P2RY8: variants seen among roughly 807,000 people sequenced by gnomAD.
The protein encoded by P2RY8 is S-geranylgeranyl-glutathione receptor P2RY8.
P2RY8 carries 6 observed loss-of-function variants against 10.0 expected under a neutral mutation model. The ratio of observed to expected loss-of-function variants is 0.60; its 90% CI spans 0.33 to 1.19. The LOEUF is 1.19. Among genes scored for constraint, P2RY8 ranks in the 50% most tolerant of loss-of-function variants. The pLI, the probability that P2RY8 is intolerant of heterozygous loss-of-function variation, is 0.04. For synonymous variants in P2RY8, 276 were observed against 252.5 expected, an observed-to-expected ratio of 1.09 and a Z score of -0.88; for missense variants, 456 against 542.0, an observed-to-expected ratio of 0.84 and a Z score of 1.58.
chrX:1,534,248 A>T (rs778728822), intron 1 of P2RY8, among the ~76,000 whole-genome samples: 1 of 142,694 alleles, frequency 7.0e-6, no homozygotes, highest in Non-Finnish European at 1.5e-5. Flanking sequence ...TTTATATATA[A>T]TTATTTATAT....
At chrX:1,483,084 AAATG>A (rs1430206287) in intron 1 of P2RY8, among the ~76,000 whole-genome samples, 1 of 152,168 alleles carries the variant, frequency 6.6e-6, no homozygotes, top group South Asian at 2.1e-4. Flanking sequence ...CCTAAAACTT[AAATG>A]AAAGATAAAA....
chrX:1,486,762 C>CCTGCTTCAGA (rs2091989634), intron 1 of P2RY8, among the ~76,000 whole-genome samples: 1 of 152,230 alleles, frequency 6.6e-6, no homozygotes, highest in Non-Finnish European at 1.5e-5. Context: ...GCAGGAAGGA[C>CCTGCTTCAGA]ATTCCTCAGG....
At chrX:1,478,888 C>T (rs1389284625) in intron 1 of P2RY8, among the ~76,000 whole-genome samples, 4 of 152,020 alleles carry the variant, frequency 2.6e-5, no homozygotes, top group South Asian at 2.1e-4. Context: ...GCCTCCTGCC[C>T]CCTGCTGTCT....
intron 1 of P2RY8, among the ~76,000 whole-genome samples, chrX:1,468,125 A>G (rs1335508935): frequency 4.2e-4 from 64 of 151,322 alleles, no homozygotes; most frequent in Non-Finnish European, 6.9e-4. Flanking sequence ...TTCTGTAGAC[A>G]TGGGGTTTGG....
chrX:1,535,141 A>G (rs544171340), intron 1 of P2RY8, among the ~76,000 whole-genome samples: 1 of 149,164 alleles, frequency 6.7e-6, no homozygotes, highest in Admixed American at 6.7e-5. Context: ...CCTGTCTGGC[A>G]GTGCCTAAAT....
At position 1,464,587 on chromosome X, in the gene P2RY8, C is replaced by A; in HGVS notation, c.*892G>T. The A allele has an allele frequency of 4.3e-6, 1 of 233,402 alleles. No individual in the cohort carries two copies. Among genetic ancestry groups the A allele is most frequent in the Non-Finnish European group, 8.5e-6 (1 of 118,190 alleles). 14.5% of individuals were successfully genotyped at this position (233,402 alleles called of 1,614,324 possible). A position where few individuals can be genotyped will look rare whatever the true frequency, so the allele number is the denominator to read the frequency against. On this transcript the variant is annotated 3_prime_UTR_variant, in exon 2 of 2. Transcript: ENST00000381297. ...CACCCTTGTGTTGGGATGGGCTGGA[C>A]CCCATCTCACGGAGCCTCCTTTCCG...
Position 1,470,720 on chromosome X carries a change from C to T in P2RY8, c.-24-4138G>A, listed in dbSNP as rs1603454385. On this transcript the variant is annotated intron_variant, in intron 1 of 1. Transcript: ENST00000381297. ...GCCAGGGGTCTTCAAAGTTCATCCA[C>T]GCTGCAGCCTGGGTCAGAGCTTGAG... Among the ~76,000 whole-genome samples, 4 of 152,064 alleles carry T rather than the reference C, an allele frequency of 2.6e-5. No homozygotes were observed. In the South Asian group the frequency reaches 8.3e-4, roughly 31 times the overall value.
At chrX:1,512,364 T>A (rs2092304489) in intron 1 of P2RY8, among the ~76,000 whole-genome samples, 1 of 151,946 alleles carries the variant, frequency 6.6e-6, no homozygotes, top group Non-Finnish European at 1.5e-5. Context: ...CTGGCCAACA[T>A]GGTGAAACCC....
Position 1,466,694 on chromosome X carries a change from A to G in P2RY8, c.-24-112T>C, listed in dbSNP as rs2091683842. ...GGGACCAAGGCGGGGGAGATGCTTTAGCAGGGCCTGCTGTCTCCTCCCTCC... is the reference window on the plus strand; with the variant it reads ...GGGACCAAGGCGGGGGAGATGCTTTGGCAGGGCCTGCTGTCTCCTCCCTCC... On this transcript the variant is annotated intron_variant, in intron 1 of 1. Transcript: ENST00000381297. 24 of 1,042,616 alleles carry G rather than the reference A, an allele frequency of 2.3e-5. No individual in the cohort carries two copies. In the South Asian group the frequency reaches 3.8e-4, roughly 17 times the overall value. 64.6% of individuals were successfully genotyped at this position (1,042,616 alleles called of 1,614,324 possible).
intron 1 of P2RY8, among the ~76,000 whole-genome samples, chrX:1,493,311 G>A (rs2092073415): frequency 1.5e-5 from 1 of 68,208 alleles, no homozygotes; most frequent in East Asian, 4.5e-4. Context: ...GAGAAGAGAG[G>A]ACAGGAGAGG....
At chrX:1,510,911 G>T (rs1205455562) in intron 1 of P2RY8, among the ~76,000 whole-genome samples, 2 of 149,940 alleles carry the variant, frequency 1.3e-5, no homozygotes, top group African/African-American at 4.9e-5. Context: ...AGGCACAGTG[G>T]CTCCCGCCTG....
intron 1 of P2RY8, among the ~76,000 whole-genome samples, chrX:1,518,399 G>GGCC (rs2092366611): frequency 6.9e-6 from 1 of 144,838 alleles, no homozygotes. Flanking sequence ...GCACTCCAGC[G>GGCC]TGGGTGACAG....
intron 1 of P2RY8, among the ~76,000 whole-genome samples, chrX:1,498,263 G>T (rs1239975392): frequency 1.3e-5 from 2 of 151,504 alleles, no homozygotes; most frequent in South Asian, 4.2e-4. Context: ...AAAATTAGCC[G>T]GGTGTGGTGG....
At chrX:1,499,631 A>AG (rs2092154894) in intron 1 of P2RY8, among the ~76,000 whole-genome samples, 1 of 152,136 alleles carries the variant, frequency 6.6e-6, no homozygotes, top group Admixed American at 6.6e-5. Flanking sequence ...ATGTGTCATT[A>AG]GGTGAAACGT....
chrX:1,510,340 G>A (rs1325779539), intron 1 of P2RY8, among the ~76,000 whole-genome samples: 1 of 152,114 alleles, frequency 6.6e-6, no homozygotes, highest in African/African-American at 2.4e-5. Flanking sequence ...ACTAATACAA[G>A]CTTTTTGTTT....
intron 1 of P2RY8, among the ~76,000 whole-genome samples, chrX:1,499,163 C>CT (rs1163119480): frequency 0.027 from 1,321 of 48,414 alleles, 22 homozygotes; most frequent in African/African-American, 0.058. Context: ...TTTTTCTTTT[C>CT]TTTTTTTTTT....
chrX:1,493,399 A>AAGAG (rs1198025989), intron 1 of P2RY8, among the ~76,000 whole-genome samples: 229 of 13,486 alleles, frequency 0.017, 3 homozygotes, highest in Middle Eastern at 0.11. Context: ...GAGGGAGGGA[A>AAGAG]GGAGGAAGGA....
At chrX:1,507,306 C>T (rs530529535) in intron 1 of P2RY8, among the ~76,000 whole-genome samples, 8 of 152,164 alleles carry the variant, frequency 5.3e-5, no homozygotes, top group African/African-American at 9.6e-5. Flanking sequence ...TAGATTTCAC[C>T]GGACGAGATG....
intron 1 of P2RY8, among the ~76,000 whole-genome samples, chrX:1,477,599 T>G (rs1415677393): frequency 6.6e-6 from 1 of 152,206 alleles, no homozygotes; most frequent in African/African-American, 2.4e-5. Flanking sequence ...TTCAATAGTT[T>G]GCAAATGTGA....
Sources: gnomAD v4.1 joint callset for allele counts (sites outside exome capture counted in the v4.1 genomes callset) on GRCh38, gnomAD v4.1.1 for gene constraint, MANE v1.5 for transcripts, NCBI Gene and HGNC (gene_info 2026-07-23, HGNC 2026-07-21) for gene names.